RABGEF1: variants seen among roughly 807,000 people sequenced by gnomAD.
RABGEF1 encodes the protein rab5 GDP/GTP exchange factor.
A neutral mutation model predicts 57.3 loss-of-function variants in RABGEF1; 26 were observed. The observed-to-expected ratio is 0.45, with a 90% confidence interval of 0.33 to 0.63. The LOEUF is 0.63. RABGEF1 is among the 20% of genes least tolerant of loss of function. The probability of loss-of-function intolerance (pLI) is 0.02; values close to 1 mark genes in which losing one functional copy is unlikely to be tolerated. For missense variants in RABGEF1, 464 were observed against 607.6 expected, an observed-to-expected ratio of 0.76 and a Z score of 2.48; for synonymous variants, 185 against 210.7, an observed-to-expected ratio of 0.88 and a Z score of 1.06.
At chr7:66,798,268 G>A (rs1322837464) in intron 6 of RABGEF1, among the ~76,000 whole-genome samples, 1 of 152,190 alleles carries the variant, frequency 6.6e-6, no homozygotes, top group Admixed American at 6.5e-5. Context: ...GTGAGCCCCA[G>A]CACTGTGTAC....
intron 1 of RABGEF1, among the ~76,000 whole-genome samples, chr7:66,703,931 G>A (rs1793648341): frequency 6.6e-6 from 1 of 152,126 alleles, no homozygotes; most frequent in Non-Finnish European, 1.5e-5. Context: ...AACATGGGAC[G>A]CTTTCCCATT....
chr7:66,790,990 T>C (rs761932982), intron 4 of RABGEF1, among the ~76,000 whole-genome samples: 2 of 152,234 alleles, frequency 1.3e-5, no homozygotes, highest in African/African-American at 4.8e-5. Flanking sequence ...TGTGTGTCTC[T>C]TGTGCAACTT....
chr7:66,796,330 G>A (rs1785914110), intron 5 of RABGEF1, among the ~76,000 whole-genome samples: 1 of 152,194 alleles, frequency 6.6e-6, no homozygotes, highest in African/African-American at 2.4e-5. Context: ...ACATGTGTGT[G>A]TCAGAGAAAT....
At position 66,775,223 on chromosome 7, in the gene RABGEF1, G is replaced by T; in HGVS notation, c.180-4G>T. 1 of 1,608,044 alleles carries T rather than the reference G, an allele frequency of 6.2e-7. No homozygotes were observed. On this transcript the variant is annotated splice_region_variant and splice_polypyrimidine_tract_variant and intron_variant, in intron 2 of 8. Transcript: ENST00000284957. ...GGTCATTCTAATCCTCTCTTGAATT[G>T]CAGACTCCAGCGGGAGGAAGAAGAG...
At chr7:66,722,075 T>A (rs1368297164) in intron 2 of RABGEF1, among the ~76,000 whole-genome samples, 3 of 152,138 alleles carry the variant, frequency 2.0e-5, no homozygotes, top group Non-Finnish European at 4.4e-5. Flanking sequence ...GAAGATCACT[T>A]GAGCCCAGGA....
At chr7:66,656,090 G>A in the RABGEF1 span, among the ~76,000 whole-genome samples, 1 of 152,010 alleles carries the variant, frequency 6.6e-6, no homozygotes, top group South Asian at 2.1e-4. Context: ...TCAAAGGAGA[G>A]GAGGCCAGTA....
intron 1 of RABGEF1, among the ~76,000 whole-genome samples, chr7:66,710,436 T>A (rs1323402152): frequency 2.0e-5 from 3 of 152,228 alleles, no homozygotes; most frequent in African/African-American, 7.2e-5. Flanking sequence ...TAGGTATATA[T>A]TTAATCTTTT....
chr7:66,713,174 C>T (rs866411062), intron 2 of RABGEF1, among the ~76,000 whole-genome samples: 3 of 150,498 alleles, frequency 2.0e-5, no homozygotes, highest in Admixed American at 6.6e-5. Context: ...CGTAGTCTCC[C>T]TCTGTCGCCC....
At chr7:66,696,660 A>T (rs35183929) in intron 1 of RABGEF1, among the ~76,000 whole-genome samples, 1 of 147,908 alleles carries the variant, frequency 6.8e-6, no homozygotes, top group Non-Finnish European at 1.5e-5. Context: ...ATTGCACTCC[A>T]GCCTGGGTGA....
chr7:66,698,306 T>C (rs1792671934), intron 1 of RABGEF1, among the ~76,000 whole-genome samples: 1 of 152,192 alleles, frequency 6.6e-6, no homozygotes, highest in African/African-American at 2.4e-5. Context: ...GCCAGAGCTC[T>C]ACCTCCTCCC....
At chr7:66,668,455 A>G in the RABGEF1 span, among the ~76,000 whole-genome samples, 6 of 152,142 alleles carry the variant, frequency 3.9e-5, no homozygotes, top group Non-Finnish European at 7.3e-5. Context: ...TCCAGCTGGC[A>G]TCTTGCAACT....
Position 66,783,824 on chromosome 7 carries a change from G to A in RABGEF1, c.496G>A (p.Gly166Arg). The A allele has an allele frequency of 6.2e-7, 1 of 1,612,460 alleles. No homozygotes were observed. Among genetic ancestry groups the A allele is most frequent in the Non-Finnish European group, 8.5e-7 (1 of 1,179,152 alleles). Reference sequence around the variant, plus strand: ...TAAACAGACCAAGCTGTTTTTGGAAGGAATGCATTACAAAAGGGTAGGTTG... The same window carrying A: ...TAAACAGACCAAGCTGTTTTTGGAAAGAATGCATTACAAAAGGGTAGGTTG... ...IYKQTKLFLE[G>R]MHYKRDLSIE... Residue 166 changes from glycine (G) to arginine (R), a missense_variant, in exon 4 of 9, where the codon GGA becomes AGA. By Grantham distance (125) the Gly-to-Arg change is moderately radical. Around this residue, in one of 4 missense-constraint regions of RABGEF1, gnomAD observed 284 missense variants for 389.9 expected, o/e 0.73. Transcript: ENST00000284957.
intron 1 of RABGEF1, among the ~76,000 whole-genome samples, chr7:66,766,332 C>T (rs1361100938): frequency 6.6e-6 from 1 of 150,530 alleles, no homozygotes; most frequent in Admixed American, 6.6e-5. Flanking sequence ...AAGCTTAGTG[C>T]TTAGTGATGT....
the RABGEF1 span, among the ~76,000 whole-genome samples, chr7:66,665,688 T>G: frequency 6.6e-5 from 10 of 152,146 alleles, no homozygotes; most frequent in Admixed American, 6.6e-4. Flanking sequence ...TCGGTCCCTT[T>G]CCCCCACACT....
chr7:66,664,077 G>GAA, the RABGEF1 span, among the ~76,000 whole-genome samples: 1,398 of 77,876 alleles, frequency 0.018, 31 homozygotes, highest in East Asian at 0.11. Flanking sequence ...GTCTCAAAAA[G>GAA]AAAAAAAAAA....
chr7:66,664,666 C>T, the RABGEF1 span, among the ~76,000 whole-genome samples: 1 of 152,180 alleles, frequency 6.6e-6, no homozygotes, highest in Non-Finnish European at 1.5e-5. Flanking sequence ...CCCGCCTCCC[C>T]CTGAGCCAGG....
upstream of RABGEF1, among the ~76,000 whole-genome samples, chr7:66,739,062 T>C (rs1798408472): frequency 6.6e-6 from 1 of 152,088 alleles, no homozygotes; most frequent in Non-Finnish European, 1.5e-5. Context: ...GTGATTCTCC[T>C]GCCTCAGCCT....
At chr7:66,669,188 G>C in the RABGEF1 span, 1 of 152,450 alleles carries the variant, frequency 6.6e-6, no homozygotes, top group Non-Finnish European at 1.5e-5. Flanking sequence ...CTCTGCCCTG[G>C]GTCCTGGAGC....
chr7:66,755,020 C>T (rs1802366442), intron 1 of RABGEF1, among the ~76,000 whole-genome samples: 2 of 152,078 alleles, frequency 1.3e-5, no homozygotes, highest in Non-Finnish European at 2.9e-5. Flanking sequence ...GTTGGCCAGG[C>T]ACGGTGGCTC....
Sources: gnomAD v4.1 joint callset for allele counts (sites outside exome capture counted in the v4.1 genomes callset) on GRCh38, gnomAD v4.1.1 for gene constraint, gnomAD v4.1.1 regional missense constraint, MANE v1.5 for transcripts, NCBI Gene and HGNC (gene_info 2026-07-23, HGNC 2026-07-21) for gene names.